DLGAP1: variants seen among roughly 807,000 people sequenced by gnomAD.
DLGAP1 encodes the protein disks large-associated protein 1.
A neutral mutation model predicts 90.8 loss-of-function variants in DLGAP1; 11 were observed. That is an observed-to-expected ratio of 0.12 (90% CI 0.08 to 0.20). DLGAP1 has a LOEUF of 0.20. Among genes scored for constraint, DLGAP1 ranks in the 10% least tolerant of loss-of-function variants. The pLI is 1.00. For synonymous variants in DLGAP1, 558 were observed against 540.7 expected (o/e 1.03, Z -0.44); for missense variants, 1,050 against 1,333.8 (o/e 0.79, Z 3.31).
chr18:4,421,367 A>G (rs930604091), intron 1 of DLGAP1, among the ~76,000 whole-genome samples: 1 of 152,044 alleles, frequency 6.6e-6, no homozygotes, highest in African/African-American at 2.4e-5. Context: ...AGGCCCACAC[A>G]GAGAATCTAG....
intron 2 of DLGAP1, among the ~76,000 whole-genome samples, chr18:4,014,231 G>A (rs1248167612): frequency 6.6e-6 from 1 of 151,890 alleles, no homozygotes; most frequent in Non-Finnish European, 1.5e-5. Flanking sequence ...GACTACAGGT[G>A]CGCACCACCA....
intron 3 of DLGAP1, among the ~76,000 whole-genome samples, chr18:3,967,432 C>T (rs1291226181): frequency 6.6e-6 from 1 of 152,190 alleles, no homozygotes; most frequent in African/African-American, 2.4e-5. Context: ...TCTGCAGAAC[C>T]TGGGAACTCA....
In DLGAP1 at chr18:3,848,682, G is replaced by T. The variant is rs777234073; in HGVS notation, c.957+30430C>A. 5.9e-5 allele frequency among the ~76,000 whole-genome samples: 9 copies of T among 151,992 alleles called. No individual in the cohort carries two copies. In the East Asian group the frequency reaches 1.7e-3, roughly 29 times the overall value. The stretch of plus-strand genomic sequence containing the variant: ...GTCAGAAACCTGGGTACTCTTTTTG[G>T]ACACTTCCCTCTCCTGCCATATCAC... On this transcript the variant is annotated intron_variant, in intron 4 of 12. Transcript: ENST00000315677.
intron 5 of DLGAP1, among the ~76,000 whole-genome samples, chr18:3,808,683 C>A (rs1221627163): frequency 6.6e-6 from 1 of 152,114 alleles, no homozygotes; most frequent in Non-Finnish European, 1.5e-5. Context: ...CAATCTTCAT[C>A]CCATCCCCCT....
chr18:3,897,962 T>C (rs1308482357), intron 3 of DLGAP1, among the ~76,000 whole-genome samples: 2 of 151,308 alleles, frequency 1.3e-5, no homozygotes, highest in Non-Finnish European at 2.9e-5. Context: ...GCCCGGCTAA[T>C]TTTTTGTATT....
chr18:3,502,692 AC>A, intron 11 of DLGAP1, 47 bp from the exon 12 acceptor site: 1 of 1,578,806 alleles, frequency 6.3e-7, no homozygotes, highest in Non-Finnish European at 8.6e-7. Context: ...GCAATTCTTG[AC>A]AAGCACAGGG....
At chr18:3,853,583 T>C (rs73374521) in intron 4 of DLGAP1, among the ~76,000 whole-genome samples, 37,451 of 151,182 alleles carry the variant, frequency 0.25, 4,804 homozygotes, top group South Asian at 0.34. Flanking sequence ...CAGTAAACTC[T>C]ATGATGTTCA....
At chr18:3,941,305 G>A (rs555295469) in intron 3 of DLGAP1, among the ~76,000 whole-genome samples, 2 of 152,178 alleles carry the variant, frequency 1.3e-5, no homozygotes, top group Non-Finnish European at 2.9e-5. Context: ...AGGGTTTGGG[G>A]CTCACGATGG....
At chr18:3,591,255 G>T (rs910853139) in intron 7 of DLGAP1, among the ~76,000 whole-genome samples, 1 of 151,328 alleles carries the variant, frequency 6.6e-6, no homozygotes, top group Non-Finnish European at 1.5e-5. Flanking sequence ...GAGGCCAAAA[G>T]AAAAAAAAGA....
intron 5 of DLGAP1, among the ~76,000 whole-genome samples, chr18:3,777,983 C>A (rs981485776): frequency 6.6e-6 from 1 of 152,180 alleles, no homozygotes; most frequent in Non-Finnish European, 1.5e-5. Flanking sequence ...AGTAAGCAGA[C>A]TCTCACATCT....
chr18:4,135,494 T>G (rs2076384809), intron 2 of DLGAP1, among the ~76,000 whole-genome samples: 1 of 152,206 alleles, frequency 6.6e-6, no homozygotes, highest in East Asian at 1.9e-4. Context: ...TGCTTAAATC[T>G]TCTAACTTTT....
intron 5 of DLGAP1, among the ~76,000 whole-genome samples, chr18:3,810,333 A>C (rs1212926165): frequency 2.0e-5 from 3 of 152,184 alleles, no homozygotes; most frequent in African/African-American, 7.2e-5. Flanking sequence ...ATAAACCCTC[A>C]AGATGCCTTC....
At chr18:4,129,461 A>G (rs2076281392) in intron 2 of DLGAP1, among the ~76,000 whole-genome samples, 2 of 152,082 alleles carry the variant, frequency 1.3e-5, no homozygotes, top group South Asian at 4.2e-4. Flanking sequence ...CTTCATCATG[A>G]AGGAGAGGGT....
At chr18:3,956,372 C>T (rs1040852379) in intron 3 of DLGAP1, among the ~76,000 whole-genome samples, 7 of 151,790 alleles carry the variant, frequency 4.6e-5, no homozygotes, top group Non-Finnish European at 8.8e-5. Context: ...TTTTTTGAGA[C>T]GGAGTCTCGC....
chr18:3,515,125 C>T (rs966423417), intron 10 of DLGAP1, among the ~76,000 whole-genome samples: 4 of 152,114 alleles, frequency 2.6e-5, no homozygotes, highest in South Asian at 2.1e-4. Context: ...TTCTCTGTTG[C>T]GTGCAATATT....
chr18:4,367,773 C>T (rs951552054), intron 1 of DLGAP1, among the ~76,000 whole-genome samples: 10 of 151,812 alleles, frequency 6.6e-5, no homozygotes, highest in African/African-American at 9.7e-5. Context: ...GGCGTGAACC[C>T]GGGAGGCAGA....
At chr18:4,052,427 G>A (rs770891925) in intron 2 of DLGAP1, among the ~76,000 whole-genome samples, 2 of 152,196 alleles carry the variant, frequency 1.3e-5, no homozygotes, top group African/African-American at 4.8e-5. Context: ...TGCACCCTCT[G>A]AAACAATGTC....
At chr18:4,104,603 T>C (rs1264676160) in intron 2 of DLGAP1, among the ~76,000 whole-genome samples, 1 of 152,202 alleles carries the variant, frequency 6.6e-6, no homozygotes, top group African/African-American at 2.4e-5. Flanking sequence ...GGCTTATGCT[T>C]TTCTATCTTT....
chr18:4,281,966 T>C (rs2079561946), intron 1 of DLGAP1, among the ~76,000 whole-genome samples: 1 of 152,218 alleles, frequency 6.6e-6, no homozygotes, highest in Non-Finnish European at 1.5e-5. Flanking sequence ...CATTCCACTT[T>C]GTTACAAGTA....
Sources: allele counts gnomAD v4.1 joint callset (sites outside exome capture counted in the v4.1 genomes callset), GRCh38; gene constraint gnomAD v4.1.1; transcripts MANE v1.5; gene names NCBI Gene and HGNC (gene_info 2026-07-23, HGNC 2026-07-21).